ISX: variants seen among roughly 807,000 people sequenced by gnomAD.
ISX encodes intestine specific homeobox.
Under a neutral mutation model 16.9 loss-of-function variants are expected in ISX, and 15 were observed. The observed-to-expected ratio is 0.89, with a 90% CI of 0.59 to 1.36. The LOEUF (loss-of-function observed/expected upper bound fraction) is 1.36. ISX is among the 40% of genes most tolerant of loss of function. The probability of loss-of-function intolerance (pLI) is 0.00; values close to 1 mark genes in which losing one functional copy is unlikely to be tolerated. For synonymous variants in ISX, 125 were observed against 119.7 expected (o/e 1.04, Z -0.29); for missense variants, 316 against 306.1 (o/e 1.03, Z -0.24).
intron 2 of ISX, among the ~76,000 whole-genome samples, chr22:35,080,452 A>T (rs1341939832): frequency 1.3e-5 from 2 of 152,142 alleles, no homozygotes; most frequent in East Asian, 1.9e-4. Context: ...ACACACACAC[A>T]CACATCTTTT....
intron 2 of ISX, among the ~76,000 whole-genome samples, chr22:35,068,372 G>A (rs757327021): frequency 1.3e-5 from 2 of 152,164 alleles, no homozygotes; most frequent in African/African-American, 4.8e-5. Flanking sequence ...ATGAGGGGTC[G>A]CACTCAGCTG....
chr22:35,085,765 G>A lies in ISX; in HGVS notation c.*72G>A. 6.3e-7 allele frequency: 1 copy of A among 1,593,734 alleles called. No homozygotes were observed. The highest frequency in any genetic ancestry group is 1.7e-4 in the Middle Eastern group (1 of 5,994). On this transcript the variant is annotated 3_prime_UTR_variant, in exon 5 of 5. Coordinates refer to ENST00000404699, the MANE Select transcript of ISX (RefSeq NM_001303508.2). Reference sequence around the variant, plus strand: ...AAGGCAGGTAGCAGATGTGCCCTGGGCCTCTGGGGAAATCGATTTCACAAT... The same window carrying A: ...AAGGCAGGTAGCAGATGTGCCCTGGACCTCTGGGGAAATCGATTTCACAAT...
intron 3 of ISX, 60 bp downstream of exon 3, chr22:35,082,729 C>G: frequency 1.3e-6 from 2 of 1,576,236 alleles, no homozygotes; most frequent in Non-Finnish European, 1.7e-6. Flanking sequence ...GTGTGAGACA[C>G]AATATATCCA....
intron 2 of ISX, among the ~76,000 whole-genome samples, chr22:35,080,279 T>A (rs976900028): frequency 3.3e-5 from 5 of 152,242 alleles, no homozygotes; most frequent in African/African-American, 1.2e-4. Flanking sequence ...TAGATGCTGA[T>A]AGGTCCTTAA....
Position 35,086,616 on chromosome 22 carries a change from A to G in ISX, c.*923A>G, listed in dbSNP as rs1467853395. The G allele has an allele frequency of 1.3e-5, 2 of 152,202 alleles. No homozygotes were observed. The highest frequency in any genetic ancestry group is 4.8e-5 in the African/African-American group (2 of 41,450). The allele number at this position is 152,202 out of a possible 1,614,324, so 9.4% of individuals were successfully genotyped here. A position where few individuals can be genotyped will look rare whatever the true frequency, so the allele number is the denominator to read the frequency against. On this transcript the variant is annotated 3_prime_UTR_variant, in exon 5 of 5. Coordinates refer to ENST00000404699, the MANE Select transcript of ISX (RefSeq NM_001303508.2). ...GTTCTGTCTGAGCCTCAGTTTTCCTATCCATAAAATGAAGGTAGCCAGGCC... is the reference window on the plus strand; with the variant it reads ...GTTCTGTCTGAGCCTCAGTTTTCCTGTCCATAAAATGAAGGTAGCCAGGCC...
chr22:35,084,341 G>A (rs770370682), intron 3 of ISX, 42 bp from the exon 4 acceptor site: 7 of 1,370,048 alleles, frequency 5.1e-6, no homozygotes, highest in Admixed American at 1.7e-5. Flanking sequence ...ATTAGATGGA[G>A]GAAAACTCTT....
intron 2 of ISX, among the ~76,000 whole-genome samples, chr22:35,079,428 A>C (rs1929068242): frequency 6.6e-6 from 1 of 152,090 alleles, no homozygotes; most frequent in Admixed American, 6.5e-5. Context: ...ACTTTTATCC[A>C]TTTAAGACAT....
In ISX at chr22:35,066,992, C is replaced by A. The variant is rs77984721; in HGVS notation, c.-96C>A. 1.1e-5 allele frequency: 9 copies of A among 819,174 alleles called. No homozygotes were observed. The highest frequency in any genetic ancestry group is 1.6e-5 in the Non-Finnish European group (8 of 510,094). 50.7% of individuals were successfully genotyped at this position (819,174 alleles called of 1,614,324 possible). ...GGAGGCTCTCTGTTCTTCACCTCCA[C>A]GCGCCCTCTTGACCCCAGGAGGTTC... is the stretch of plus-strand genomic sequence containing the variant. On this transcript the variant is annotated 5_prime_UTR_variant, in exon 2 of 5. Coordinates refer to ENST00000404699, the MANE Select transcript of ISX (RefSeq NM_001303508.2).
intron 2 of ISX, among the ~76,000 whole-genome samples, chr22:35,072,973 A>G (rs1928892508): frequency 6.6e-6 from 1 of 152,178 alleles, no homozygotes; most frequent in Non-Finnish European, 1.5e-5. Flanking sequence ...TTGCATGGCT[A>G]GTGAGCTGGT....
At chr22:35,069,896 ACCTAGGGATC>A (rs1009583926) in intron 2 of ISX, among the ~76,000 whole-genome samples, 2 of 152,164 alleles carry the variant, frequency 1.3e-5, no homozygotes, top group African/African-American at 4.8e-5. Context: ...TTGCCATCTC[ACCTAGGGATC>A]TTATTAAAAT....
At chr22:35,069,019 G>A (rs770413256) in intron 2 of ISX, among the ~76,000 whole-genome samples, 8 of 152,118 alleles carry the variant, frequency 5.3e-5, no homozygotes, top group Non-Finnish European at 1.2e-4. Flanking sequence ...GCTGGAATTC[G>A]GCATTTCTGA....
intron 2 of ISX, among the ~76,000 whole-genome samples, chr22:35,075,288 G>A (rs985650914): frequency 1.3e-5 from 2 of 152,232 alleles, no homozygotes; most frequent in African/African-American, 4.8e-5. Flanking sequence ...TGAGTGGCTG[G>A]AGTCTAAAAT....
chr22:35,071,695 C>T (rs574287348), intron 2 of ISX, among the ~76,000 whole-genome samples: 5 of 152,270 alleles, frequency 3.3e-5, no homozygotes, highest in African/African-American at 1.2e-4. Context: ...CTGTCAGCTC[C>T]CAGTCGGAGA....
chr22:35,083,553 C>T (rs1114884), intron 3 of ISX, among the ~76,000 whole-genome samples: 10,741 of 152,258 alleles, frequency 0.071, 1,101 homozygotes, highest in African/African-American at 0.23. Flanking sequence ...TAGCACACGA[C>T]GTTCCACCAG....
intron 2 of ISX, among the ~76,000 whole-genome samples, chr22:35,077,475 TTCTA>T (rs1179696723): frequency 1.3e-5 from 2 of 152,154 alleles, no homozygotes; most frequent in Admixed American, 6.5e-5. Flanking sequence ...CCAGGCTGAA[TTCTA>T]TCTGTCTCTC....
At chr22:35,073,820 A>G (rs1189363047) in intron 2 of ISX, among the ~76,000 whole-genome samples, 1 of 152,264 alleles carries the variant, frequency 6.6e-6, no homozygotes, top group African/African-American at 2.4e-5. Flanking sequence ...CTTGTAGGCT[A>G]TGGTAGAGAT....
At chr22:35,083,642 A>T (rs1929176134) in intron 3 of ISX, among the ~76,000 whole-genome samples, 1 of 152,208 alleles carries the variant, frequency 6.6e-6, no homozygotes, top group African/African-American at 2.4e-5. Flanking sequence ...CACAAATGTG[A>T]TGGACTCATT....
intron 2 of ISX, among the ~76,000 whole-genome samples, chr22:35,069,447 C>G (rs1167627466): frequency 1.3e-5 from 2 of 152,194 alleles, no homozygotes; most frequent in Non-Finnish European, 2.9e-5. Context: ...TCAATCTCCC[C>G]ACCTGTAACA....
chr22:35,081,816 A>T (rs1929129709), intron 2 of ISX, among the ~76,000 whole-genome samples: 1 of 152,238 alleles, frequency 6.6e-6, no homozygotes, highest in African/African-American at 2.4e-5. Context: ...ACCCACTATG[A>T]CAATTTAAGA....
Sources: gnomAD v4.1 joint callset for allele counts (sites outside exome capture counted in the v4.1 genomes callset) on GRCh38, gnomAD v4.1.1 for gene constraint, MANE v1.5 for transcripts, NCBI Gene and HGNC (gene_info 2026-07-23, HGNC 2026-07-21) for gene names.